Variants in CEACAM8 observed in about 807,000 individuals in gnomAD.
The protein encoded by CEACAM8 is cell adhesion molecule CEACAM8.
Under a neutral mutation model 33.4 loss-of-function variants are expected in CEACAM8, and 31 were observed. The observed-to-expected ratio is 0.93, with a 90% confidence interval of 0.70 to 1.25. The LOEUF is 1.25. CEACAM8 is among the 50% of genes most tolerant of loss of function. The pLI, the probability that CEACAM8 is intolerant of heterozygous loss-of-function variation, is 0.00. For missense variants in CEACAM8, 388 were observed against 434.6 expected, an observed-to-expected ratio of 0.89 and a Z score of 0.95; for synonymous variants, 138 against 164.5, an observed-to-expected ratio of 0.84 and a Z score of 1.23.
chr19:42,589,330 G>A (rs1239016145), intron 3 of CEACAM8, 127 bp downstream of exon 3: 10 of 1,434,036 alleles, frequency 7.0e-6, no homozygotes, highest in South Asian at 5.1e-5. Flanking sequence ...AAGTCATGAC[G>A]AGCTGGGTTT....
intron 4 of CEACAM8, 136 bp downstream of exon 4, chr19:42,588,648 G>T: frequency 1.0e-6 from 1 of 958,296 alleles, no homozygotes; most frequent in Non-Finnish European, 1.6e-6. Context: ...AACTGGGAGG[G>T]TTTAGGAGAA....
chr19:42,588,193 A>C (rs1484380132), intron 4 of CEACAM8, among the ~76,000 whole-genome samples: 1 of 152,120 alleles, frequency 6.6e-6, no homozygotes, highest in African/African-American at 2.4e-5. Flanking sequence ...TCAACTGGCA[A>C]CTTGATTTAG....
At chr19:42,591,795 G>T (rs2042445054) in intron 2 of CEACAM8, among the ~76,000 whole-genome samples, 1 of 152,170 alleles carries the variant, frequency 6.6e-6, no homozygotes, top group Non-Finnish European at 1.5e-5. Flanking sequence ...TCTCTAAAGA[G>T]GTTTTGCATC....
intron 3 of CEACAM8, 66 bp downstream of exon 3, chr19:42,589,391 G>A: frequency 6.2e-7 from 1 of 1,609,238 alleles, no homozygotes; most frequent in East Asian, 2.2e-5. Context: ...GGACTGAGAG[G>A]CCTGGCCTCT....
Sources: allele counts gnomAD v4.1 joint callset (sites outside exome capture counted in the v4.1 genomes callset), GRCh38; gene constraint gnomAD v4.1.1; transcripts MANE v1.5; gene names NCBI Gene and HGNC (gene_info 2026-07-23, HGNC 2026-07-21).